Variants in VPS8 observed in about 807,000 individuals in gnomAD.
VPS8 encodes the protein vacuolar protein sorting-associated protein 8 homolog.
A neutral mutation model predicts 216.4 loss-of-function variants in VPS8; 129 were observed. The observed-to-expected ratio is 0.60, with a 90% CI of 0.52 to 0.69. VPS8 has a LOEUF of 0.69. VPS8 is among the 30% of genes least tolerant of loss of function. The probability of loss-of-function intolerance (pLI) is 0.00; values close to 1 mark genes in which losing one functional copy is unlikely to be tolerated. For missense variants in VPS8, 1,531 were observed against 1,683.5 expected (o/e 0.91, Z 1.59); for synonymous variants, 571 against 565.4 (o/e 1.01, Z -0.14).
intron 13 of VPS8, among the ~76,000 whole-genome samples, chr3:184,855,093 T>C (rs76019411): frequency 0.018 from 2,790 of 152,294 alleles, 97 homozygotes; most frequent in African/African-American, 0.064. Flanking sequence ...TTAGATTAGC[T>C]TCATTGGCGA....
At chr3:184,925,161 G>A (rs1044941775) in intron 30 of VPS8, among the ~76,000 whole-genome samples, 180 bp downstream of exon 30, 2 of 152,122 alleles carry the variant, frequency 1.3e-5, no homozygotes, top group Admixed American at 6.5e-5. Flanking sequence ...GGTATGTTTT[G>A]TGGAGATTGG....
rs188279858 is a variant in VPS8 at position 184,883,349 on chromosome 3, C to T, written c.1735-2761C>T. 1.2e-4 allele frequency among the ~76,000 whole-genome samples: 19 copies of T among 152,268 alleles called. No homozygotes were observed. In the East Asian group the frequency reaches 3.1e-3, roughly 25 times the overall value. On this transcript the variant is annotated intron_variant, in intron 21 of 47. Transcript: ENST00000625842. The stretch of plus-strand genomic sequence containing the variant: ...CCCAGATGTTTCAGATTACTATACT[C>T]AATTTCTTGTTATTCAACATCAAAG...
intron 47 of VPS8, among the ~76,000 whole-genome samples, chr3:185,051,420 T>C (rs1714215267): frequency 6.6e-6 from 1 of 152,008 alleles, no homozygotes; most frequent in Non-Finnish European, 1.5e-5. Flanking sequence ...TCAGAGCCAG[T>C]GGTCATAATT....
In VPS8 at chr3:184,936,176, G is replaced by A. The variant is rs1166829938; in HGVS notation, c.2899-70G>A. ...CGACTGTATTGAGGTAGGTAATCGT[G>A]CCTCACATCTGTGGATATGCTGTTT... On this transcript the variant is annotated intron_variant, in intron 34 of 47. Coordinates refer to ENST00000625842, the MANE Select transcript of VPS8 (RefSeq NM_001009921.3). 5 of 1,332,396 alleles carry A rather than the reference G, an allele frequency of 3.8e-6. No homozygotes were observed. In the South Asian group the frequency reaches 3.8e-5, roughly 10 times the overall value. 82.5% of individuals were successfully genotyped at this position (1,332,396 alleles called of 1,614,324 possible). A position where few individuals can be genotyped will look rare whatever the true frequency, so the allele number is the denominator to read the frequency against.
intron 16 of VPS8, among the ~76,000 whole-genome samples, chr3:184,865,416 A>G (rs141007459): frequency 1.8e-3 from 269 of 152,344 alleles, no homozygotes; most frequent in Admixed American, 4.2e-3. Flanking sequence ...AGCAATAATT[A>G]TGAGAACCCA....
chr3:184,982,547 A>AT lies in VPS8; in HGVS notation c.3421-15dup, dbSNP rs1750384557. The AT allele has an allele frequency of 6.3e-7, 1 of 1,580,416 alleles. No individual in the cohort carries two copies. Among genetic ancestry groups the AT allele is most frequent in the Non-Finnish European group, 8.6e-7 (1 of 1,161,892 alleles). On this transcript the variant is annotated intron_variant, in intron 40 of 47. Transcript: ENST00000625842. ...CTTTGACCACTTTTCTTTTTCTTTG[A>AT]TTTTCTCTGACATTATAGGCACTTT...
At chr3:184,860,199 C>T in intron 15 of VPS8, 134 bp downstream of exon 15, 2 of 784,518 alleles carry the variant, frequency 2.5e-6, no homozygotes, top group African/African-American at 1.8e-5. Context: ...CAGTCCGGCA[C>T]CGAGGCTCGT....
Position 184,982,558 on chromosome 3 carries a change from CATT to C in VPS8, c.3421-5_3421-3del, listed in dbSNP as rs780791501. ...TTTCTTTTTCTTTGATTTTCTCTGACATTATAGGCACTTTGGTTTCCGTTATTG... is the reference window on the plus strand; with the variant it reads ...TTTCTTTTTCTTTGATTTTCTCTGACATAGGCACTTTGGTTTCCGTTATTG... On this transcript the variant is annotated splice_polypyrimidine_tract_variant and splice_region_variant and intron_variant, in intron 40 of 47. Transcript: ENST00000625842. 6.3e-7 allele frequency: 1 copy of C among 1,599,324 alleles called. No individual in the cohort carries two copies. Among genetic ancestry groups the C allele is most frequent in the Non-Finnish European group, 8.5e-7 (1 of 1,173,740 alleles).
At chr3:184,836,373 G>C in intron 5 of VPS8, 1 of 454,894 alleles carries the variant, frequency 2.2e-6, no homozygotes, top group South Asian at 1.6e-5. Flanking sequence ...AGATGAACCA[G>C]AACAGTCATT....
chr3:184,836,392 C>G (rs1721095448), intron 5 of VPS8: 6 of 443,266 alleles, frequency 1.4e-5, no homozygotes, highest in Middle Eastern at 3.4e-4. Flanking sequence ...TTTGACCCAC[C>G]TGTGCAGTTT....
chr3:184,967,862 A>G (rs529813602), intron 39 of VPS8, among the ~76,000 whole-genome samples: 2 of 151,840 alleles, frequency 1.3e-5, no homozygotes, highest in East Asian at 1.9e-4. Flanking sequence ...AAAAAATTAA[A>G]TTATGGGTAA....
chr3:184,915,615 C>T, intron 28 of VPS8, 141 bp downstream of exon 28: 3 of 847,670 alleles, frequency 3.5e-6, no homozygotes, highest in Non-Finnish European at 5.2e-6. Flanking sequence ...TCCAGACCAG[C>T]CTGGTCAACA....
intron 6 of VPS8, 34 bp from the exon 7 acceptor site, chr3:184,839,664 T>TG (rs1425433802): frequency 6.4e-7 from 1 of 1,569,826 alleles, no homozygotes; most frequent in African/African-American, 1.4e-5. Context: ...CTTAATGTAA[T>TG]GTCTTAAAAC....
At chr3:184,917,845 G>A (rs555450677) in intron 28 of VPS8, among the ~76,000 whole-genome samples, 1 of 152,310 alleles carries the variant, frequency 6.6e-6, no homozygotes, top group South Asian at 2.1e-4. Flanking sequence ...AAAATGCATA[G>A]ATTGGGTGGC....
At chr3:184,896,789 A>G (rs965671307) in intron 23 of VPS8, among the ~76,000 whole-genome samples, 1 of 152,260 alleles carries the variant, frequency 6.6e-6, no homozygotes, top group Non-Finnish European at 1.5e-5. Context: ...AAATCCAGAA[A>G]GTATTTCAAT....
At position 184,929,647 on chromosome 3, in the gene VPS8, C is replaced by G; in HGVS notation, c.2782C>G (p.Arg928Gly). 1.3e-6 allele frequency: 2 copies of G among 1,521,700 alleles called. No homozygotes were observed. The highest frequency in any genetic ancestry group is 1.8e-6 in the Non-Finnish European group (2 of 1,130,122). 94.3% of individuals were successfully genotyped at this position (1,521,700 alleles called of 1,614,324 possible). The change falls in exon 33 of 48, where the codon CGT becomes GGT. Residue 928 changes from arginine (R) to glycine (G), a missense_variant. This residue lies in a region of VPS8 where 1,318 missense variants were observed against 1,468.4 expected (regional missense o/e 0.90). Coordinates refer to ENST00000625842, the MANE Select transcript of VPS8 (RefSeq NM_001009921.3). ...TGATAAAATTATTGATTGCTACTTA[C>G]GTGACCCTCTGCGAGAGGTGAGTCA... ...QYDKIIDCYL[R>G]DPLREEEVFN...
intron 16 of VPS8, among the ~76,000 whole-genome samples, chr3:184,866,112 A>G (rs1270587428): frequency 6.6e-6 from 1 of 152,382 alleles, no homozygotes; most frequent in South Asian, 2.1e-4. Flanking sequence ...CACACATAGC[A>G]GTATTATTGT....
In VPS8 at chr3:184,851,733, C is replaced by G. The variant is rs79930685; in HGVS notation, c.754-767C>G. 5.9e-5 allele frequency among the ~76,000 whole-genome samples: 9 copies of G among 152,098 alleles called. 1 individual carries two copies. The highest frequency in any genetic ancestry group is 1.3e-4 in the Admixed American group (2 of 15,260). On this transcript the variant is annotated intron_variant, in intron 10 of 47. Coordinates refer to ENST00000625842, the MANE Select transcript of VPS8 (RefSeq NM_001009921.3). The stretch of plus-strand genomic sequence containing the variant: ...AGGAAGAAGAATTTTACAGTGGCCT[C>G]CAGTACCTCAGCCATCCCTGACTGG...
chr3:184,957,610 A>G (rs1365099015), intron 37 of VPS8, 89 bp downstream of exon 37: 142 of 1,399,538 alleles, frequency 1.0e-4, no homozygotes, highest in Non-Finnish European at 3.8e-6. Context: ...GAAAAAATAT[A>G]TAATTTCTTT....
Sources: allele counts gnomAD v4.1 joint callset (sites outside exome capture counted in the v4.1 genomes callset), GRCh38; gene constraint gnomAD v4.1.1; regional missense constraint gnomAD v4.1.1; transcripts MANE v1.5; gene names NCBI Gene and HGNC (gene_info 2026-07-23, HGNC 2026-07-21).